The following GALNTL6 variants were observed in gnomAD, a reference collection of about 807,000 sequenced individuals.
GALNTL6 encodes the protein polypeptide N-acetylgalactosaminyltransferase-like 6.
A neutral mutation model predicts 73.7 loss-of-function variants in GALNTL6; 46 were observed. The ratio of observed to expected loss-of-function variants is 0.62; its 90% CI spans 0.49 to 0.80. GALNTL6 has a LOEUF of 0.80. Among genes scored for constraint, GALNTL6 ranks in the 30% least tolerant of loss-of-function variants. GALNTL6 has a pLI of 0.00. For missense variants in GALNTL6, 604 were observed against 755.0 expected (o/e 0.80, Z 2.34); for synonymous variants, 259 against 263.7 (o/e 0.98, Z 0.17).
chr4:172,893,776 G>C (rs189458830), intron 8 of GALNTL6, among the ~76,000 whole-genome samples: 2 of 152,142 alleles, frequency 1.3e-5, no homozygotes. Flanking sequence ...CAGTGTGCAC[G>C]GCAAAACCTT....
intron 2 of GALNTL6, among the ~76,000 whole-genome samples, chr4:171,895,301 C>T (rs916884720): frequency 6.6e-6 from 1 of 152,138 alleles, no homozygotes; most frequent in Admixed American, 6.5e-5. Flanking sequence ...CATAGATGAG[C>T]AGAATCCCTT....
Position 171,916,642 on chromosome 4 carries a change from T to C in GALNTL6, c.138+101924T>C, listed in dbSNP as rs562693385. The stretch of plus-strand genomic sequence containing the variant: ...GCCCCAAGTCAAAGTGTGAAGTGAG[T>C]TAATCTATTCAGCGCTTCTTCATAT... On this transcript the variant is annotated intron_variant, in intron 2 of 12. Coordinates refer to ENST00000506823, the MANE Select transcript of GALNTL6 (RefSeq NM_001034845.3). Among the ~76,000 whole-genome samples, 3 of 152,260 alleles carry C rather than the reference T, an allele frequency of 2.0e-5. No homozygotes were observed. The East Asian group carries it at 5.8e-4, about 29-fold the overall frequency.
Position 172,180,488 on chromosome 4 carries a change from A to G in GALNTL6, c.139-49168A>G, listed in dbSNP as rs192530476. Among the ~76,000 whole-genome samples, 400 of 151,594 alleles carry G rather than the reference A, an allele frequency of 2.6e-3. 3 individuals carry two copies. Among genetic ancestry groups the G allele is most frequent in the Admixed American group, 0.024 (364 of 15,238 alleles). On this transcript the variant is annotated intron_variant, in intron 2 of 12. Coordinates refer to ENST00000506823, the MANE Select transcript of GALNTL6 (RefSeq NM_001034845.3). ...TTTGTCAATTTTGGCTTTTGTTGCC[A>G]TTGCTTTTGGTGTGTTAGTCATGAA...
At chr4:172,768,899 C>A (rs1738595331) in intron 5 of GALNTL6, among the ~76,000 whole-genome samples, 1 of 151,902 alleles carries the variant, frequency 6.6e-6, no homozygotes, top group Admixed American at 6.6e-5. Flanking sequence ...CCTGTGACCA[C>A]CCTGTCTGTA....
intron 7 of GALNTL6, among the ~76,000 whole-genome samples, chr4:172,871,673 T>A (rs2111165111): frequency 6.6e-6 from 1 of 150,866 alleles, no homozygotes; most frequent in African/African-American, 2.4e-5. Context: ...AGTTGAGAAA[T>A]AACACTCAAA....
chr4:171,886,360 A>AT (rs1387193476), intron 2 of GALNTL6, among the ~76,000 whole-genome samples: 5 of 152,124 alleles, frequency 3.3e-5, no homozygotes, highest in Non-Finnish European at 5.9e-5. Context: ...TATTTTCTTC[A>AT]TTTTTTCATT....
intron 5 of GALNTL6, among the ~76,000 whole-genome samples, chr4:172,628,767 G>T (rs1739269837): frequency 2.0e-5 from 3 of 152,076 alleles, no homozygotes; most frequent in Admixed American, 2.0e-4. Flanking sequence ...TGGAATGCTA[G>T]TGCTAGAAGA....
chr4:172,489,508 TATG>T (rs1196566775), intron 5 of GALNTL6, among the ~76,000 whole-genome samples: 1 of 152,252 alleles, frequency 6.6e-6, no homozygotes, highest in African/African-American at 2.4e-5. Context: ...CCTGAATAGT[TATG>T]ATATGTGTAT....
At chr4:172,741,637 C>A (rs562370399) in intron 5 of GALNTL6, among the ~76,000 whole-genome samples, 1 of 152,054 alleles carries the variant, frequency 6.6e-6, no homozygotes, top group South Asian at 2.1e-4. Context: ...CATATACACT[C>A]TGCTACATAT....
At chr4:172,522,663 A>C (rs1402673725) in intron 5 of GALNTL6, among the ~76,000 whole-genome samples, 1 of 84,238 alleles carries the variant, frequency 1.2e-5, no homozygotes, top group African/African-American at 4.9e-5. Context: ...AGTGAAACTC[A>C]GTCCCCCCCC....
At chr4:172,745,011 G>C (rs1195601108) in intron 5 of GALNTL6, among the ~76,000 whole-genome samples, 1 of 151,908 alleles carries the variant, frequency 6.6e-6, no homozygotes, top group Non-Finnish European at 1.5e-5. Context: ...ATATACCAAA[G>C]ATTAAGAGCA....
intron 11 of GALNTL6, among the ~76,000 whole-genome samples, chr4:173,011,047 A>C (rs1201705843): frequency 6.6e-6 from 1 of 152,136 alleles, no homozygotes; most frequent in Non-Finnish European, 1.5e-5. Flanking sequence ...GATAAAAGCC[A>C]TTTCAACTGG....
In GALNTL6 at chr4:172,220,959, G is replaced by A. The variant is rs536172738; in HGVS notation, c.139-8697G>A. On this transcript the variant is annotated intron_variant, in intron 2 of 12. Coordinates refer to ENST00000506823, the MANE Select transcript of GALNTL6 (RefSeq NM_001034845.3). ...ACATATTTATATAGGCATATTTTAGGAATATGAAACAGATAACTTAGCCAT... is the reference window on the plus strand; with the variant it reads ...ACATATTTATATAGGCATATTTTAGAAATATGAAACAGATAACTTAGCCAT... Among the ~76,000 whole-genome samples the A allele has an allele frequency of 5.3e-5, 8 of 151,862 alleles. No individual in the cohort carries two copies. In the South Asian group the frequency reaches 1.7e-3, roughly 31 times the overall value.
At chr4:172,638,096 T>C (rs1392168110) in intron 5 of GALNTL6, among the ~76,000 whole-genome samples, 1 of 152,156 alleles carries the variant, frequency 6.6e-6, no homozygotes, top group African/African-American at 2.4e-5. Context: ...ATAGTCATTG[T>C]TGCAATAACT....
intron 5 of GALNTL6, among the ~76,000 whole-genome samples, chr4:172,529,752 C>T (rs1735104929): frequency 6.6e-6 from 1 of 152,056 alleles, no homozygotes; most frequent in East Asian, 1.9e-4. Flanking sequence ...ATGGTGTGAT[C>T]TCAGCTCACT....
intron 5 of GALNTL6, among the ~76,000 whole-genome samples, chr4:172,516,715 C>G (rs1297525844): frequency 6.6e-6 from 1 of 151,988 alleles, no homozygotes; most frequent in African/African-American, 2.4e-5. Context: ...AGCAGGATCT[C>G]AAAAAGATTT....
chr4:172,938,719 G>A (rs1167579834), intron 9 of GALNTL6, among the ~76,000 whole-genome samples: 1 of 152,096 alleles, frequency 6.6e-6, no homozygotes, highest in Non-Finnish European at 1.5e-5. Context: ...AAAACTGCAG[G>A]GTTCAGATGC....
At chr4:172,897,481 A>G (rs1313204125) in intron 8 of GALNTL6, among the ~76,000 whole-genome samples, 1 of 152,222 alleles carries the variant, frequency 6.6e-6, no homozygotes, top group African/African-American at 2.4e-5. Flanking sequence ...GTCAGTGGGC[A>G]GATGAGCCTT....
At chr4:172,556,018 G>T (rs1560805794) in intron 5 of GALNTL6, among the ~76,000 whole-genome samples, 1 of 151,990 alleles carries the variant, frequency 6.6e-6, no homozygotes, top group Non-Finnish European at 1.5e-5. Flanking sequence ...ATTTAAATTT[G>T]CAAACTCAAC....
Sources: gnomAD v4.1 joint callset for allele counts (sites outside exome capture counted in the v4.1 genomes callset) on GRCh38, gnomAD v4.1.1 for gene constraint, MANE v1.5 for transcripts, NCBI Gene and HGNC (gene_info 2026-07-23, HGNC 2026-07-21) for gene names.